KCTD1: variants seen among roughly 807,000 people sequenced by gnomAD.
KCTD1 encodes the protein BTB/POZ domain-containing protein KCTD1.
KCTD1 carries 24 observed loss-of-function variants against 66.0 expected under a neutral mutation model. The observed-to-expected ratio is 0.36, with a 90% CI of 0.26 to 0.51. The LOEUF (loss-of-function observed/expected upper bound fraction) is 0.51. Ranked by LOEUF, KCTD1 falls within the 20% of genes least tolerant of loss-of-function variation. KCTD1 has a pLI of 0.95. For missense variants in KCTD1, 943 were observed against 1,205.2 expected, an observed-to-expected ratio of 0.78 and a Z score of 3.22; for synonymous variants, 511 against 517.2, an observed-to-expected ratio of 0.99 and a Z score of 0.16.
chr18:26,543,098 T>C (rs1046904485), intron 1 of KCTD1: 1 of 152,192 alleles, frequency 6.6e-6, no homozygotes. Context: ...GCCAAAACAG[T>C]AGGCGCTCAG....
chr18:26,553,827 TAAAAA>T (rs10548383), intron 1 of KCTD1, among the ~76,000 whole-genome samples: 4 of 135,416 alleles, frequency 3.0e-5, no homozygotes, highest in Non-Finnish European at 4.8e-5. Context: ...CCAGAGAGGG[TAAAAA>T]AAAAAAAAAA....
At chr18:26,526,096 G>A (rs1984145870) in intron 1 of KCTD1, among the ~76,000 whole-genome samples, 1 of 152,080 alleles carries the variant, frequency 6.6e-6, no homozygotes, top group Admixed American at 6.5e-5. Flanking sequence ...GTTTCTGGAG[G>A]CAGGTGGCCA....
chr18:26,525,980 G>A (rs1281942855), intron 1 of KCTD1, among the ~76,000 whole-genome samples: 1 of 152,046 alleles, frequency 6.6e-6, no homozygotes, highest in Non-Finnish European at 1.5e-5. Context: ...TCATCTTGTG[G>A]CCGGCTATCA....
intron 1 of KCTD1, among the ~76,000 whole-genome samples, chr18:26,652,715 C>T (rs1988059451): frequency 6.6e-6 from 1 of 152,156 alleles, no homozygotes; most frequent in Non-Finnish European, 1.5e-5. Flanking sequence ...GCACTCCAGA[C>T]CCAATTGTTG....
chr18:26,594,038 T>C (rs1387489659), intron 1 of KCTD1, among the ~76,000 whole-genome samples: 1 of 152,232 alleles, frequency 6.6e-6, no homozygotes, highest in Non-Finnish European at 1.5e-5. Flanking sequence ...TGCCTTCACT[T>C]ATGTGGAAGA....
chr18:26,498,053 G>T (rs765332405), intron 2 of KCTD1, among the ~76,000 whole-genome samples: 2 of 152,196 alleles, frequency 1.3e-5, no homozygotes, highest in Non-Finnish European at 2.9e-5. Flanking sequence ...GCCACGGTGT[G>T]CTTTTCACAA....
chr18:26,523,606 C>A (rs537165090), intron 1 of KCTD1, among the ~76,000 whole-genome samples: 4 of 139,904 alleles, frequency 2.9e-5, no homozygotes, highest in Admixed American at 1.5e-4. Flanking sequence ...GACAACACAG[C>A]GAGATCCTCT....
intron 1 of KCTD1, among the ~76,000 whole-genome samples, chr18:26,572,466 G>A (rs1255024710): frequency 6.6e-5 from 10 of 152,218 alleles, no homozygotes; most frequent in South Asian, 4.1e-4. Flanking sequence ...ACATGAATCC[G>A]ATTGTAACAA....
At chr18:26,456,052 A>G in intron 4 of KCTD1, 151 bp from the exon 5 acceptor site, 1 of 674,656 alleles carries the variant, frequency 1.5e-6, no homozygotes, top group East Asian at 2.8e-5. Flanking sequence ...AAGACCCTGG[A>G]TTAATGGGCA....
intron 1 of KCTD1, among the ~76,000 whole-genome samples, chr18:26,557,365 T>G (rs1430233267): frequency 1.3e-5 from 2 of 152,242 alleles, no homozygotes; most frequent in Non-Finnish European, 2.9e-5. Flanking sequence ...ATATTGTAAG[T>G]GCTTTTTAGA....
At chr18:26,486,750 C>A (rs1981940653) in intron 2 of KCTD1, among the ~76,000 whole-genome samples, 1 of 152,172 alleles carries the variant, frequency 6.6e-6, no homozygotes, top group African/African-American at 2.4e-5. Flanking sequence ...AATTAACTTG[C>A]ATGTCACTGC....
chr18:26,475,018 G>A (rs1981266371), intron 3 of KCTD1, among the ~76,000 whole-genome samples: 1 of 152,026 alleles, frequency 6.6e-6, no homozygotes, highest in African/African-American at 2.4e-5. Flanking sequence ...TTTTCCCACT[G>A]ATGTGAAATG....
intron 1 of KCTD1, among the ~76,000 whole-genome samples, chr18:26,568,348 C>G (rs1483214362): frequency 6.6e-6 from 1 of 152,076 alleles, no homozygotes; most frequent in African/African-American, 2.4e-5. Flanking sequence ...GTGATCTCCC[C>G]ATCTCAGCCT....
intron 1 of KCTD1, among the ~76,000 whole-genome samples, chr18:26,573,782 TG>T (rs1986162912): frequency 6.6e-6 from 1 of 152,240 alleles, no homozygotes. Context: ...ATATACATCA[TG>T]TTTTTCAATT....
chr18:26,456,026 C>G (rs761925731), intron 4 of KCTD1, 125 bp from the exon 5 acceptor site: 1 of 847,502 alleles, frequency 1.2e-6, no homozygotes, highest in Admixed American at 2.9e-5. Context: ...TCCCTGTGAG[C>G]TGCTCCTCTC....
At chr18:26,589,917 A>C (rs1019369214) in intron 1 of KCTD1, among the ~76,000 whole-genome samples, 1 of 152,140 alleles carries the variant, frequency 6.6e-6, no homozygotes, top group African/African-American at 2.4e-5. Flanking sequence ...AGTCATAACT[A>C]CATGTGATAC....
intron 2 of KCTD1, among the ~76,000 whole-genome samples, chr18:26,497,273 A>G (rs1598897556): frequency 1.3e-5 from 2 of 152,082 alleles, no homozygotes; most frequent in African/African-American, 2.4e-5. Flanking sequence ...AATCTTAGAA[A>G]AAGCCCCCCT....
intron 1 of KCTD1, among the ~76,000 whole-genome samples, chr18:26,501,545 C>T (rs1333857650): frequency 1.3e-5 from 2 of 152,202 alleles, no homozygotes; most frequent in Admixed American, 6.5e-5. Flanking sequence ...TAACAATTGA[C>T]ACATGGCAAC....
chr18:26,507,368 C>A (rs1361521761), intron 1 of KCTD1, among the ~76,000 whole-genome samples: 1 of 152,038 alleles, frequency 6.6e-6, no homozygotes, highest in Non-Finnish European at 1.5e-5. Flanking sequence ...GAACTGAATA[C>A]AATTTATTCT....
Sources: allele counts gnomAD v4.1 joint callset (sites outside exome capture counted in the v4.1 genomes callset), GRCh38; gene constraint gnomAD v4.1.1; transcripts MANE v1.5; gene names NCBI Gene and HGNC (gene_info 2026-07-23, HGNC 2026-07-21).